Variants in FOSL2 observed in about 807,000 individuals in gnomAD.
The protein encoded by FOSL2 is FOS like 2, AP-1 transcription factor subunit.
A neutral mutation model predicts 27.7 loss-of-function variants in FOSL2; 3 were observed. The observed-to-expected ratio is 0.11, with a 90% CI of 0.05 to 0.28. The LOEUF (loss-of-function observed/expected upper bound fraction) is 0.28. Ranked by LOEUF, FOSL2 falls within the 10% of genes least tolerant of loss-of-function variation. FOSL2 has a pLI of 1.00. For synonymous variants in FOSL2, 179 were observed against 190.1 expected (o/e 0.94, Z 0.48); for missense variants, 333 against 445.1 (o/e 0.75, Z 2.27).
chr2:28,407,039 A>G (rs1164732213), intron 2 of FOSL2, among the ~76,000 whole-genome samples: 4 of 152,190 alleles, frequency 2.6e-5, no homozygotes, highest in Admixed American at 2.6e-4. Flanking sequence ...AGCTCCCACA[A>G]GTTGCCCCAC....
At position 28,413,373 on chromosome 2, in the gene FOSL2, C is replaced by A; in HGVS notation, c.*925C>A. 2.5e-6 allele frequency: 1 copy of A among 397,754 alleles called. No homozygotes were observed. Among genetic ancestry groups the A allele is most frequent in the South Asian group, 1.4e-4 (1 of 7,064 alleles). 24.6% of individuals were successfully genotyped at this position (397,754 alleles called of 1,614,324 possible). On this transcript the variant is annotated 3_prime_UTR_variant, in exon 4 of 4. Transcript: ENST00000264716. ...CCATTCTGCCCCTGGACCCTTCTCT[C>A]CGGACCAGGGAGGCGTCCCTCCCTA...
chr2:28,393,690 C>A lies in FOSL2; in HGVS notation c.-31C>A. The A allele has an allele frequency of 6.5e-7, 1 of 1,527,088 alleles. No homozygotes were observed. Among genetic ancestry groups the A allele is most frequent in the South Asian group, 1.2e-5 (1 of 86,196 alleles). 94.6% of individuals were successfully genotyped at this position (1,527,088 alleles called of 1,614,324 possible). Reference sequence around the variant, plus strand: ...GGCGAGGGCGGGGGAAGAAAAACACCCTGTTTCCTCTCCGGCCCCCACCGC... The same window carrying A: ...GGCGAGGGCGGGGGAAGAAAAACACACTGTTTCCTCTCCGGCCCCCACCGC... On this transcript the variant is annotated 5_prime_UTR_variant, in exon 1 of 4. Transcript: ENST00000264716. This position sits in a 1 kb window ranked among gnomAD's most constrained non-coding sequence, Gnocchi z 4.6.
chr2:28,406,353 C>T (rs564804320), intron 2 of FOSL2, among the ~76,000 whole-genome samples: 3 of 152,270 alleles, frequency 2.0e-5, no homozygotes, highest in South Asian at 2.1e-4. Flanking sequence ...TGAGCCACCG[C>T]GCCCGGCCAC....
chr2:28,415,152 G>A lies in FOSL2; in HGVS notation c.*2704G>A, dbSNP rs1237089763. The A allele has an allele frequency of 2.0e-5, 3 of 152,288 alleles. No homozygotes were observed. The highest frequency in any genetic ancestry group is 4.8e-5 in the African/African-American group (2 of 41,428). The allele number at this position is 152,288 out of a possible 1,614,324, so 9.4% of individuals were successfully genotyped here. On this transcript the variant is annotated 3_prime_UTR_variant, in exon 4 of 4. Coordinates refer to ENST00000264716, the MANE Select transcript of FOSL2 (RefSeq NM_005253.4). Reference sequence around the variant, plus strand: ...CTGTGCTTCTTGTGGCTCCACTCGCGAGGCAGCTCGGAGGTGTGGACTCCG... The same window carrying A: ...CTGTGCTTCTTGTGGCTCCACTCGCAAGGCAGCTCGGAGGTGTGGACTCCG...
chr2:28,396,101 C>T (rs1398884427), intron 1 of FOSL2, among the ~76,000 whole-genome samples: 1 of 152,082 alleles, frequency 6.6e-6, no homozygotes, highest in African/African-American at 2.4e-5. Flanking sequence ...CTCAGTGGAC[C>T]GATCCATATG....
At chr2:28,398,059 C>G (rs1005085734) in intron 1 of FOSL2, among the ~76,000 whole-genome samples, 7 of 152,162 alleles carry the variant, frequency 4.6e-5, no homozygotes, top group African/African-American at 1.7e-4. Context: ...CCGTCAATAA[C>G]TTGGATTTTT....
chr2:28,413,522 G>A lies in FOSL2; in HGVS notation c.*1074G>A, dbSNP rs1296864001. 4 of 398,584 alleles carry A rather than the reference G, an allele frequency of 1.0e-5. No homozygotes were observed. Among genetic ancestry groups the A allele is most frequent in the African/African-American group, 8.2e-5 (4 of 48,646 alleles). The allele number at this position is 398,584 out of a possible 1,614,324, so 24.7% of individuals were successfully genotyped here. The stretch of plus-strand genomic sequence containing the variant: ...CCTGGACCTTCCCCAGATGCTGCCA[G>A]GCAGCCCCTCCCCAAGCCTCAAAGA... On this transcript the variant is annotated 3_prime_UTR_variant, in exon 4 of 4. Transcript: ENST00000264716.
chr2:28,392,940 A>G lies in FOSL2; in HGVS notation c.-781A>G, dbSNP rs933037569. ...ACGAGCGGCGCTCGGCGGGGACAGA[A>G]AGAGGGAGAGAGAGAGAGAGAGAGA... On this transcript the variant is annotated 5_prime_UTR_variant, in exon 1 of 4. Coordinates refer to ENST00000264716, the MANE Select transcript of FOSL2 (RefSeq NM_005253.4). 2.0e-5 allele frequency: 14 copies of G among 689,036 alleles called. No individual in the cohort carries two copies. The highest frequency in any genetic ancestry group is 3.7e-5 in the African/African-American group (2 of 54,620). The allele number at this position is 689,036 out of a possible 1,614,324, so 42.7% of individuals were successfully genotyped here.
Position 28,413,518 on chromosome 2 carries a change from G to T in FOSL2, c.*1070G>T, listed in dbSNP as rs930072651. On this transcript the variant is annotated 3_prime_UTR_variant, in exon 4 of 4. Transcript: ENST00000264716. ...TGGGCCTGGACCTTCCCCAGATGCT[G>T]CCAGGCAGCCCCTCCCCAAGCCTCA... The T allele has an allele frequency of 9.8e-5, 39 of 398,582 alleles. 1 individual carries two copies. In the Admixed American group the frequency reaches 1.6e-3, roughly 17 times the overall value. The allele number at this position is 398,582 out of a possible 1,614,324, so 24.7% of individuals were successfully genotyped here. A position where few individuals can be genotyped will look rare whatever the true frequency, so the allele number is the denominator to read the frequency against.
At position 28,414,089 on chromosome 2, in the gene FOSL2, G is replaced by C; in HGVS notation, c.*1641G>C. On this transcript the variant is annotated 3_prime_UTR_variant, in exon 4 of 4. Coordinates refer to ENST00000264716, the MANE Select transcript of FOSL2 (RefSeq NM_005253.4). ...AGGGAGTAGCTCCTGGCCAGAACCA[G>C]CCTCTGCGGGGCTTGTGCTCTGCAA... is the stretch of plus-strand genomic sequence containing the variant. The C allele has an allele frequency of 2.8e-6, 1 of 362,906 alleles. No individual in the cohort carries two copies. Among genetic ancestry groups the C allele is most frequent in the Non-Finnish European group, 4.9e-6 (1 of 203,448 alleles). The allele number at this position is 362,906 out of a possible 1,614,324, so 22.5% of individuals were successfully genotyped here.
At position 28,412,620 on chromosome 2, in the gene FOSL2, T is replaced by C. The variant is rs1002006014; in HGVS notation, c.*172T>C. 9.2e-6 allele frequency: 6 copies of C among 654,026 alleles called. No homozygotes were observed. Among genetic ancestry groups the C allele is most frequent in the Non-Finnish European group, 1.5e-5 (6 of 392,408 alleles). 40.5% of individuals were successfully genotyped at this position (654,026 alleles called of 1,614,324 possible). A position where few individuals can be genotyped will look rare whatever the true frequency, so the allele number is the denominator to read the frequency against. On this transcript the variant is annotated 3_prime_UTR_variant, in exon 4 of 4. Coordinates refer to ENST00000264716, the MANE Select transcript of FOSL2 (RefSeq NM_005253.4). This position sits in a 1 kb window ranked among gnomAD's most constrained non-coding sequence, Gnocchi z 7.1. Reference sequence around the variant, plus strand: ...GACTTAGCAGTGAGTATTGGAAGACTTGGGTTGATCTCTTAGAAGCCATGG... The same window carrying C: ...GACTTAGCAGTGAGTATTGGAAGACCTGGGTTGATCTCTTAGAAGCCATGG...
At position 28,412,320 on chromosome 2, in the gene FOSL2, C is replaced by T; in HGVS notation, c.853C>T (p.Pro285Ser). 6.2e-7 allele frequency: 1 copy of T among 1,614,010 alleles called. No homozygotes were observed. The highest frequency in any genetic ancestry group is 1.1e-5 in the South Asian group (1 of 91,086). ...CACCTCGAACCTCGTCTTCACCTAT[C>T]CTAGCGTCCTGGAGCAGGAGTCACC... ...PGTSNLVFTY[P>S]SVLEQESPAS... is the part of the protein sequence containing the mutation. Residue 285 changes from proline to serine, a missense_variant, in exon 4 of 4, where the codon CCT becomes TCT. Around this residue, in one of 4 missense-constraint regions of FOSL2, gnomAD observed 26 missense variants for 59.3 expected, o/e 0.44. Coordinates refer to ENST00000264716, the MANE Select transcript of FOSL2 (RefSeq NM_005253.4). The surrounding 1 kb of genome is among the most constrained non-coding windows in gnomAD (Gnocchi z 7.1).
chr2:28,404,615 G>A lies in FOSL2; in HGVS notation c.354+257G>A, dbSNP rs1306474060. On this transcript the variant is annotated intron_variant, in intron 2 of 3. Transcript: ENST00000264716. The surrounding 1 kb of genome is among the most constrained non-coding windows in gnomAD (Gnocchi z 4.7). ...CCTCAGCCACAAAATGGGGATCATG[G>A]TCCCTGCAAGCCAGGACTTGGCTAC... Among the ~76,000 whole-genome samples, 1 of 152,150 alleles carries A rather than the reference G, an allele frequency of 6.6e-6. No individual in the cohort carries two copies. Among genetic ancestry groups the A allele is most frequent in the African/African-American group, 2.4e-5 (1 of 41,426 alleles).
chr2:28,400,376 G>A (rs1232639991), intron 1 of FOSL2, among the ~76,000 whole-genome samples: 2 of 152,066 alleles, frequency 1.3e-5, no homozygotes, highest in Non-Finnish European at 2.9e-5. Flanking sequence ...CTAACTTCTG[G>A]GACCACAAAC....
In FOSL2 at chr2:28,393,594, C is replaced by A; in HGVS notation, c.-127C>A. On this transcript the variant is annotated 5_prime_UTR_variant, in exon 1 of 4. Coordinates refer to ENST00000264716, the MANE Select transcript of FOSL2 (RefSeq NM_005253.4). The surrounding 1 kb of genome is among the most constrained non-coding windows in gnomAD (Gnocchi z 4.6). ...CGCCCTCCGCGGTGGGGGAGAAACC[C>A]AGGAGCGAAGCCCAGAGCCCGCGGC... 1 of 666,406 alleles carries A rather than the reference C, an allele frequency of 1.5e-6. No homozygotes were observed. Among genetic ancestry groups the A allele is most frequent in the Non-Finnish European group, 2.6e-6 (1 of 391,096 alleles). The allele number at this position is 666,406 out of a possible 1,614,324, so 41.3% of individuals were successfully genotyped here. A position where few individuals can be genotyped will look rare whatever the true frequency, so the allele number is the denominator to read the frequency against.
In FOSL2 at chr2:28,398,081, TTAGA is replaced by T. The variant is rs1448864173; in HGVS notation, c.102+4263_102+4266del. Among the ~76,000 whole-genome samples the T allele has an allele frequency of 3.3e-5, 5 of 152,266 alleles. No homozygotes were observed. In the East Asian group the frequency reaches 9.6e-4, roughly 29 times the overall value. ...TAACTTGGATTTTTTTTCTCATTTG[TTAGA>T]TAGGAATAAAGATACTGGTTGTGAG... On this transcript the variant is annotated intron_variant, in intron 1 of 3. Coordinates refer to ENST00000264716, the MANE Select transcript of FOSL2 (RefSeq NM_005253.4).
At chr2:28,409,682 G>C (rs1045774853) in intron 3 of FOSL2, among the ~76,000 whole-genome samples, 15 of 152,196 alleles carry the variant, frequency 9.9e-5, no homozygotes, top group African/African-American at 3.6e-4. Flanking sequence ...CTCTGTCAGT[G>C]GTCCTCACAG....
At chr2:28,395,530 A>G (rs1393216077) in intron 1 of FOSL2, 1 of 152,252 alleles carries the variant, frequency 6.6e-6, no homozygotes, top group Non-Finnish European at 1.5e-5. Flanking sequence ...AGCGGAGGCA[A>G]TTCCCGGTTT....
At position 28,393,943 on chromosome 2, in the gene FOSL2, G is replaced by C; in HGVS notation, c.102+121G>C. ...GAGAAAATACCTACGGGCCACCGTT[G>C]TAAGTTCTGGATTTTCGTCCTCCCC... On this transcript the variant is annotated intron_variant, in intron 1 of 3. Coordinates refer to ENST00000264716, the MANE Select transcript of FOSL2 (RefSeq NM_005253.4). This position sits in a 1 kb window ranked among gnomAD's most constrained non-coding sequence, Gnocchi z 4.6. 1 of 725,858 alleles carries C rather than the reference G, an allele frequency of 1.4e-6. No homozygotes were observed. The highest frequency in any genetic ancestry group is 2.3e-6 in the Non-Finnish European group (1 of 444,016). 45.0% of individuals were successfully genotyped at this position (725,858 alleles called of 1,614,324 possible).
Sources: allele counts gnomAD v4.1 joint callset (sites outside exome capture counted in the v4.1 genomes callset), GRCh38; gene constraint gnomAD v4.1.1; regional missense constraint gnomAD v4.1.1; non-coding constraint Gnocchi (gnomAD v3.1); transcripts MANE v1.5; gene names NCBI Gene and HGNC (gene_info 2026-07-23, HGNC 2026-07-21).